The following GALNT15 variants were observed in gnomAD, a reference collection of about 807,000 sequenced individuals.
GALNT15 encodes polypeptide N-acetylgalactosaminyltransferase 15, also known as UDP-GalNAc transferase T15.
GALNT15 carries 67 observed loss-of-function variants against 66.8 expected under a neutral mutation model. The observed-to-expected ratio is 1.00, with a 90% CI of 0.82 to 1.23. The LOEUF (loss-of-function observed/expected upper bound fraction) is 1.23, where lower values mean the gene tolerates loss of function less well. Ranked by LOEUF, GALNT15 falls within the 50% of genes most tolerant of loss-of-function variation. The probability of loss-of-function intolerance (pLI) is 0.00; values close to 1 mark genes in which losing one functional copy is unlikely to be tolerated. For missense variants in GALNT15, 827 were observed against 804.3 expected, an observed-to-expected ratio of 1.03 and a Z score of -0.34; for synonymous variants, 313 against 311.5, an observed-to-expected ratio of 1.00 and a Z score of -0.05.
At chr3:16,222,322 C>T (rs552313047) in intron 8 of GALNT15, among the ~76,000 whole-genome samples, 82 of 152,294 alleles carry the variant, frequency 5.4e-4, no homozygotes, top group African/African-American at 1.9e-3. Flanking sequence ...AGTAACAAAA[C>T]ACACAGCACT....
At chr3:16,215,321 G>A (rs2063859540) in intron 6 of GALNT15, among the ~76,000 whole-genome samples, 1 of 152,204 alleles carries the variant, frequency 6.6e-6, no homozygotes, top group Non-Finnish European at 1.5e-5. Flanking sequence ...TCCAGATGGT[G>A]ATTGCAGGAT....
the GALNT15 span, among the ~76,000 whole-genome samples, chr3:16,247,902 G>C: frequency 6.6e-6 from 1 of 152,186 alleles, no homozygotes. Context: ...CACAGGGGCT[G>C]TCCCAGGAAC....
At chr3:16,178,406 G>A (rs2063433677) in intron 1 of GALNT15, among the ~76,000 whole-genome samples, 1 of 152,228 alleles carries the variant, frequency 6.6e-6, no homozygotes, top group African/African-American at 2.4e-5. Context: ...AGGCAGTCGG[G>A]AGGAAACTCC....
chr3:16,232,842 A>G (rs142239157), downstream of GALNT15, among the ~76,000 whole-genome samples: 4 of 151,676 alleles, frequency 2.6e-5, no homozygotes, highest in African/African-American at 9.7e-5. Context: ...GCAGATTCTG[A>G]TTTGGTAGGT....
At chr3:16,235,010 C>T (rs917346354), downstream of GALNT15, among the ~76,000 whole-genome samples, 3 of 151,606 alleles carry the variant, frequency 2.0e-5, no homozygotes, top group African/African-American at 7.3e-5. Context: ...GCAAGCTCTG[C>T]CTCCTGGGTT....
the GALNT15 span, among the ~76,000 whole-genome samples, chr3:16,244,593 G>C: frequency 6.6e-6 from 1 of 152,228 alleles, no homozygotes; most frequent in Non-Finnish European, 1.5e-5. Context: ...ACTAGAGAAA[G>C]CTACATGTTT....
chr3:16,175,695 G>A lies in GALNT15; in HGVS notation c.539+5G>A, dbSNP rs746236023. On this transcript the variant is annotated splice_donor_5th_base_variant and intron_variant, in intron 1 of 9. Coordinates refer to ENST00000339732, the MANE Select transcript of GALNT15 (RefSeq NM_054110.5). This position sits in a 1 kb window ranked among gnomAD's most constrained non-coding sequence, Gnocchi z 5.6. ...GCCCGAGGTGCGGCACCCACTGTAAGTAAGGCCCTTGTTTTCCCTTCCCTG... is the reference window on the plus strand; with the variant it reads ...GCCCGAGGTGCGGCACCCACTGTAAATAAGGCCCTTGTTTTCCCTTCCCTG... 2 of 1,560,106 alleles carry A rather than the reference G, an allele frequency of 1.3e-6. No homozygotes were observed. Among genetic ancestry groups the A allele is most frequent in the Non-Finnish European group, 1.7e-6 (2 of 1,153,712 alleles).
chr3:16,186,832 G>A lies in GALNT15; in HGVS notation c.540-8928G>A, dbSNP rs752049490. Reference sequence around the variant, plus strand: ...GCCAATGGGTAGTAGGTTTTTGGGGGTGGGGTGTTGAAAACGTTCTCAAAT... The same window carrying A: ...GCCAATGGGTAGTAGGTTTTTGGGGATGGGGTGTTGAAAACGTTCTCAAAT... On this transcript the variant is annotated intron_variant, in intron 1 of 9. Transcript: ENST00000339732. The surrounding 1 kb of genome is among the most constrained non-coding windows in gnomAD (Gnocchi z 5.1). Among the ~76,000 whole-genome samples the A allele has an allele frequency of 2.3e-4, 35 of 152,314 alleles. No homozygotes were observed. Among genetic ancestry groups the A allele is most frequent in the African/African-American group, 8.2e-4 (34 of 41,560 alleles).
chr3:16,237,543 C>T, the GALNT15 span, among the ~76,000 whole-genome samples: 1 of 152,208 alleles, frequency 6.6e-6, no homozygotes, highest in Non-Finnish European at 1.5e-5. This position sits in a 1 kb window ranked among gnomAD's most constrained non-coding sequence, Gnocchi z 4.2. Context: ...CAGCTATTAT[C>T]GTCTAGTGAG....
intron 4 of GALNT15, among the ~76,000 whole-genome samples, chr3:16,210,337 A>T (rs2063799882): frequency 6.6e-6 from 1 of 152,208 alleles, no homozygotes. Context: ...ATTTTGGTAT[A>T]ATGTAGAATT....
At chr3:16,192,651 C>A (rs1286384900) in intron 1 of GALNT15, among the ~76,000 whole-genome samples, 1 of 152,188 alleles carries the variant, frequency 6.6e-6, no homozygotes, top group Non-Finnish European at 1.5e-5. Flanking sequence ...AGCAGAAATT[C>A]TCAGCCCCAC....
chr3:16,175,254 C>G lies in GALNT15; in HGVS notation c.103C>G (p.Pro35Ala). 1.9e-6 allele frequency: 3 copies of G among 1,614,122 alleles called. No homozygotes were observed. The highest frequency in any genetic ancestry group is 2.5e-6 in the Non-Finnish European group (3 of 1,180,034). The change falls in exon 1 of 10, where the codon CCT becomes GCT. Residue 35 changes from proline (P) to alanine (A), a missense_variant. Physicochemically the swap from Pro to Ala is conservative, Grantham distance 27. Coordinates refer to ENST00000339732, the MANE Select transcript of GALNT15 (RefSeq NM_054110.5). The surrounding 1 kb of genome is among the most constrained non-coding windows in gnomAD (Gnocchi z 5.6). ...CCTGATGATGGTGGCGATGTTGCAC[C>G]CTCCCCACCACACCCTGCACCAGAC... ...CVLMMVAMLHPPHHTLHQTVT... is the reference protein window; with the variant it reads ...CVLMMVAMLHAPHHTLHQTVT...
intron 3 of GALNT15, among the ~76,000 whole-genome samples, chr3:16,201,877 C>T (rs1301291435): frequency 6.6e-6 from 1 of 152,172 alleles, no homozygotes; most frequent in Non-Finnish European, 1.5e-5. Flanking sequence ...TGGTGGCTGG[C>T]CCACCTTGGA....
chr3:16,198,953 A>T (rs778085005), intron 2 of GALNT15, among the ~76,000 whole-genome samples: 1 of 142,000 alleles, frequency 7.0e-6, no homozygotes, highest in East Asian at 2.1e-4. Context: ...CTGGGGGGGA[A>T]ATTCTTGCTT....
At chr3:16,237,759 C>A in the GALNT15 span, among the ~76,000 whole-genome samples, 9 of 152,200 alleles carry the variant, frequency 5.9e-5, no homozygotes, top group African/African-American at 2.2e-4. This position sits in a 1 kb window ranked among gnomAD's most constrained non-coding sequence, Gnocchi z 4.2. Context: ...CCTTGGGAGG[C>A]CCTGGCACCT....
rs2063604516 is a variant in GALNT15, at chr3:16,193,806, C to G, written c.540-1954C>G. ...AGATGGCTCCTATTCAAATGTCCCT[C>G]TGAGGAGGAACATAGTTTGAGCAGC... On this transcript the variant is annotated intron_variant, in intron 1 of 9. Transcript: ENST00000339732. The surrounding 1 kb of genome is among the most constrained non-coding windows in gnomAD (Gnocchi z 4.7). 6.6e-6 allele frequency among the ~76,000 whole-genome samples: 1 copy of G among 152,192 alleles called. No individual in the cohort carries two copies. The highest frequency in any genetic ancestry group is 1.5e-5 in the Non-Finnish European group (1 of 68,034).
chr3:16,216,644 T>C (rs58362702), intron 6 of GALNT15, among the ~76,000 whole-genome samples: 1 of 152,180 alleles, frequency 6.6e-6, no homozygotes, highest in African/African-American at 2.4e-5. Context: ...TTCTGGGGGC[T>C]TGTGTCCCTT....
At chr3:16,216,091 A>AATGG (rs1160741611) in intron 6 of GALNT15, among the ~76,000 whole-genome samples, 1 of 152,134 alleles carries the variant, frequency 6.6e-6, no homozygotes, top group Non-Finnish European at 1.5e-5. Flanking sequence ...GGTGGAATGG[A>AATGG]ATGGATGGAT....
chr3:16,190,962 A>T (rs191073446), intron 1 of GALNT15, among the ~76,000 whole-genome samples: 19 of 152,262 alleles, frequency 1.2e-4, no homozygotes, highest in Non-Finnish European at 2.5e-4. Flanking sequence ...GAGGAGAAGG[A>T]TTCTTTCTGA....
Sources: allele counts gnomAD v4.1 joint callset (sites outside exome capture counted in the v4.1 genomes callset), GRCh38; gene constraint gnomAD v4.1.1; non-coding constraint Gnocchi (gnomAD v3.1); transcripts MANE v1.5; gene names NCBI Gene and HGNC (gene_info 2026-07-23, HGNC 2026-07-21).